PDK3: variants seen among roughly 807,000 people sequenced by gnomAD.
PDK3 encodes the protein pyruvate dehydrogenase kinase 3.
In PDK3, 12 loss-of-function variants were observed where a neutral mutation model predicts 32.0. That is an observed-to-expected ratio of 0.37 (90% CI 0.24 to 0.61). The LOEUF (loss-of-function observed/expected upper bound fraction) is 0.61. PDK3 is among the 20% of genes least tolerant of loss of function. The pLI is 0.65. For missense variants in PDK3, 188 were observed against 316.9 expected, an observed-to-expected ratio of 0.59 and a Z score of 3.09; for synonymous variants, 122 against 116.3, an observed-to-expected ratio of 1.05 and a Z score of -0.31.
intron 5 of PDK3, among the ~76,000 whole-genome samples, chrX:24,513,185 C>T (rs1922168055): frequency 9.0e-6 from 1 of 111,546 alleles, no homozygotes; most frequent in African/African-American, 3.3e-5. Flanking sequence ...TCTGCTCCCA[C>T]TCCCACTTGC....
At chrX:24,528,318 G>A in intron 9 of PDK3, 132 bp downstream of exon 9, 1 of 420,422 alleles carries the variant, frequency 2.4e-6, no homozygotes, top group South Asian at 4.3e-5. Flanking sequence ...TGGTTTGGAG[G>A]AGGGAGAATT....
At chrX:24,501,426 T>G (rs1269243069) in intron 3 of PDK3, among the ~76,000 whole-genome samples, 1 of 112,925 alleles carries the variant, frequency 8.9e-6, no homozygotes, top group African/African-American at 3.2e-5. Flanking sequence ...TTTAAATACA[T>G]CTGTTGGCCG....
At chrX:24,521,388 G>A (rs1047867062) in intron 6 of PDK3, among the ~76,000 whole-genome samples, 2 of 109,875 alleles carry the variant, frequency 1.8e-5, no homozygotes, top group African/African-American at 3.3e-5. Flanking sequence ...GGCTGCTGTT[G>A]AAGGACATGG....
intron 3 of PDK3, 78 bp from the exon 4 acceptor site, chrX:24,503,249 T>TG (rs1921905101): frequency 1.6e-6 from 1 of 626,660 alleles, no homozygotes; most frequent in African/African-American, 2.3e-5. Context: ...ACAACTAGTC[T>TG]GGGGACAGAG....
chrX:24,545,547 G>C (rs1053645278), exon 12 of PDK3: 1 of 111,633 alleles, frequency 9.0e-6, no homozygotes, highest in Non-Finnish European at 1.9e-5. Flanking sequence ...CAGAGCTCTA[G>C]CATAATGATA....
chrX:24,501,622 G>A (rs1921859946), intron 3 of PDK3, among the ~76,000 whole-genome samples: 1 of 112,534 alleles, frequency 8.9e-6, no homozygotes, highest in African/African-American at 3.2e-5. Context: ...GGCTGCAGGA[G>A]AATTGCCTAA....
At chrX:24,525,546 G>A (rs1296123886) in intron 6 of PDK3, among the ~76,000 whole-genome samples, 2 of 112,118 alleles carry the variant, frequency 1.8e-5, no homozygotes, top group Non-Finnish European at 3.8e-5. Flanking sequence ...AGGAAGGACT[G>A]TATTTTTGAG....
chrX:24,528,582 G>A (rs1380201103), intron 9 of PDK3, among the ~76,000 whole-genome samples: 3 of 112,739 alleles, frequency 2.7e-5, no homozygotes, highest in Non-Finnish European at 5.6e-5. Context: ...TCTGGCGTGC[G>A]TACCACAGAG....
intron 1 of PDK3, among the ~76,000 whole-genome samples, chrX:24,488,710 C>T (rs1275314354): frequency 1.8e-5 from 2 of 111,691 alleles, no homozygotes; most frequent in African/African-American, 6.5e-5. Flanking sequence ...AACAAACAAA[C>T]AAACCAGAAA....
chrX:24,531,927 T>C (rs1188706990), intron 10 of PDK3, among the ~76,000 whole-genome samples, 157 bp downstream of exon 10: 1 of 112,452 alleles, frequency 8.9e-6, no homozygotes, highest in African/African-American at 3.2e-5. Context: ...CTTGATTCTA[T>C]GCTCAGATAA....
chrX:24,507,266 A>G (rs756271589), intron 5 of PDK3, among the ~76,000 whole-genome samples: 1 of 112,400 alleles, frequency 8.9e-6, no homozygotes, highest in Admixed American at 9.4e-5. Flanking sequence ...ACAATACAAT[A>G]TGTGGTCTTT....
At chrX:24,487,862 A>G (rs1406512892) in intron 1 of PDK3, among the ~76,000 whole-genome samples, 2 of 110,082 alleles carry the variant, frequency 1.8e-5, no homozygotes, top group Non-Finnish European at 3.8e-5. Context: ...TTGATTGAAG[A>G]CAGTACAAAA....
intron 5 of PDK3, among the ~76,000 whole-genome samples, chrX:24,511,352 C>T (rs751500933): frequency 1.2e-4 from 14 of 112,358 alleles, no homozygotes; most frequent in South Asian, 3.7e-4. Context: ...TATAGCTAAT[C>T]TTTTATTTCC....
At chrX:24,528,264 G>C (rs1218236245) in intron 9 of PDK3, 78 bp downstream of exon 9, 2 of 535,943 alleles carry the variant, frequency 3.7e-6, no homozygotes, top group Non-Finnish European at 6.4e-6. Context: ...TCTCTCCCCA[G>C]GTTGTCACAT....
Position 24,465,305 on chromosome X carries a change from T to TGCTGCG in PDK3, c.-146_-145insGGCTGC. The TGCTGCG allele has an allele frequency of 5.7e-6, 2 of 353,143 alleles. No homozygotes were observed. Among genetic ancestry groups the TGCTGCG allele is most frequent in the Non-Finnish European group, 9.5e-6 (2 of 209,608 alleles). The allele number at this position is 353,143 out of a possible 1,213,427, so 29.1% of individuals were successfully genotyped here. ...CCCGCCGCTGTCCTGGAGCTGCTGC[T>TGCTGCG]GCTGCTGCGGCGGCTGCACCGGCGG... On this transcript the variant is annotated 5_prime_UTR_variant, in exon 1 of 11. Transcript: ENST00000379162.
intron 10 of PDK3, among the ~76,000 whole-genome samples, chrX:24,532,320 G>A (rs908264421): frequency 5.4e-5 from 6 of 111,534 alleles, no homozygotes; most frequent in South Asian, 3.7e-4. Flanking sequence ...ATTTTAAATT[G>A]TGACTTAAAA....
At chrX:24,479,012 A>C (rs1383987231) in intron 1 of PDK3, among the ~76,000 whole-genome samples, 1 of 112,481 alleles carries the variant, frequency 8.9e-6, no homozygotes, top group East Asian at 2.8e-4. Flanking sequence ...GCCTTTTGAA[A>C]TTTGTAACTT....
chrX:24,544,173 C>T (rs73486365), exon 12 of PDK3, among the ~76,000 whole-genome samples: 1,132 of 111,174 alleles, frequency 0.01, 18 homozygotes, highest in African/African-American at 0.033. Context: ...AGGAGTGACA[C>T]GAAGCCTCCT....
rs1569227273 is a variant in PDK3, at chrX:24,527,634, A to G, written c.811A>G (p.Lys271Glu). ...EDRKEGYPAVKTLVTLGKEDL... is the reference protein window; with the variant it reads ...EDRKEGYPAVETLVTLGKEDL... The stretch of plus-strand genomic sequence containing the variant: ...CAGAAAAGAGGGCTACCCTGCTGTT[A>G]AAACCCTCGTTACTTTGGGTAAAGA... Residue 271 changes from lysine to glutamate, a missense_variant, in exon 8 of 11, where the codon AAA (lysine) becomes GAA (glutamate). Physicochemically the swap from Lys to Glu is moderately conservative, Grantham distance 56 (BLOSUM62 1). Coordinates refer to ENST00000379162, the MANE Select transcript of PDK3 (RefSeq NM_005391.5). 1 of 1,189,203 alleles carries G rather than the reference A, an allele frequency of 8.4e-7. No individual in the cohort carries two copies. Among genetic ancestry groups the G allele is most frequent in the Non-Finnish European group, 1.1e-6 (1 of 877,392 alleles).
Sources: gnomAD v4.1 joint callset for allele counts (sites outside exome capture counted in the v4.1 genomes callset) on GRCh38, gnomAD v4.1.1 for gene constraint, MANE v1.5 for transcripts, NCBI Gene and HGNC (gene_info 2026-07-23, HGNC 2026-07-21) for gene names.